The following ZCWPW2 variants were observed in gnomAD, a reference collection of about 807,000 sequenced individuals.
ZCWPW2 encodes the protein zinc finger CW-type PWWP domain protein 2.
ZCWPW2 carries 45 observed loss-of-function variants against 46.6 expected under a neutral mutation model. The ratio of observed to expected loss-of-function variants is 0.96; its 90% confidence interval spans 0.76 to 1.24. The LOEUF (loss-of-function observed/expected upper bound fraction) is 1.24, where lower values mean the gene tolerates loss of function less well. Ranked by LOEUF, ZCWPW2 falls within the 50% of genes most tolerant of loss-of-function variation. The pLI, the probability that ZCWPW2 is intolerant of heterozygous loss-of-function variation, is 0.00. For synonymous variants in ZCWPW2, 152 were observed against 137.1 expected (o/e 1.11, Z -0.76); for missense variants, 429 against 403.9 (o/e 1.06, Z -0.53).
At chr3:28,437,061 A>G (rs903627286) in intron 4 of ZCWPW2, among the ~76,000 whole-genome samples, 22 of 152,214 alleles carry the variant, frequency 1.4e-4, no homozygotes, top group Non-Finnish European at 2.2e-4. Flanking sequence ...ATACTGCACC[A>G]CATTGATCTA....
chr3:28,402,073 A>G (rs1275274913), intron 2 of ZCWPW2, among the ~76,000 whole-genome samples: 1 of 151,900 alleles, frequency 6.6e-6, no homozygotes, highest in Non-Finnish European at 1.5e-5. Context: ...CCAAGATCAG[A>G]GCAGAACTAA....
intron 3 of ZCWPW2, among the ~76,000 whole-genome samples, chr3:28,433,296 G>T (rs760347526): frequency 6.6e-6 from 1 of 152,034 alleles, no homozygotes; most frequent in Non-Finnish European, 1.5e-5. Flanking sequence ...TAGCCTCCCT[G>T]TGGTTTCCCT....
At chr3:28,359,465 G>A (rs934966294) in intron 1 of ZCWPW2, among the ~76,000 whole-genome samples, 2 of 152,086 alleles carry the variant, frequency 1.3e-5, no homozygotes, top group Middle Eastern at 3.4e-3. Context: ...AGGCATGAGA[G>A]TGTCTTTGAT....
chr3:28,511,936 TC>T (rs1297708581), intron 6 of ZCWPW2, among the ~76,000 whole-genome samples: 1 of 152,198 alleles, frequency 6.6e-6, no homozygotes, highest in Non-Finnish European at 1.5e-5. Context: ...GTAATTTTTT[TC>T]ATAATCATGG....
intron 3 of ZCWPW2, among the ~76,000 whole-genome samples, chr3:28,432,301 C>CTA (rs1282869024): frequency 1.3e-5 from 2 of 152,106 alleles, no homozygotes; most frequent in South Asian, 2.1e-4. Context: ...GATCACTGAA[C>CTA]TATAACATGT....
At chr3:28,373,527 G>T (rs1237207519) in intron 1 of ZCWPW2, among the ~76,000 whole-genome samples, 1 of 152,036 alleles carries the variant, frequency 6.6e-6, no homozygotes, top group Non-Finnish European at 1.5e-5. Context: ...AAGGGCAGTG[G>T]TGAGTGGTGC....
intron 3 of ZCWPW2, among the ~76,000 whole-genome samples, chr3:28,414,392 T>A (rs564286338): frequency 1.4e-4 from 22 of 152,014 alleles, no homozygotes; most frequent in Non-Finnish European, 2.1e-4. Context: ...GCAGGTTTGT[T>A]GTATAGGGAA....
chr3:28,438,773 G>A (rs949363598), intron 4 of ZCWPW2, among the ~76,000 whole-genome samples: 7 of 152,028 alleles, frequency 4.6e-5, no homozygotes, highest in Non-Finnish European at 7.4e-5. Context: ...AGAACTAAAG[G>A]AAGATATTGA....
At chr3:28,364,990 GGTT>G (rs1439611451) in intron 1 of ZCWPW2, among the ~76,000 whole-genome samples, 1 of 152,042 alleles carries the variant, frequency 6.6e-6, no homozygotes. Context: ...TTTTTGATGG[GGTT>G]GTTTGGTTTT....
At chr3:28,447,330 G>A (rs909318359) in intron 4 of ZCWPW2, among the ~76,000 whole-genome samples, 2 of 151,946 alleles carry the variant, frequency 1.3e-5, no homozygotes, top group Non-Finnish European at 2.9e-5. Flanking sequence ...ATTTATCTTG[G>A]AATGTAAGAA....
intron 1 of ZCWPW2, chr3:28,351,498 TAAG>T (rs1417206634): frequency 6.6e-6 from 1 of 151,612 alleles, no homozygotes; most frequent in African/African-American, 2.4e-5. Context: ...TTTTAGGTAA[TAAG>T]GTGCATTTTT....
intron 1 of ZCWPW2, among the ~76,000 whole-genome samples, chr3:28,374,357 G>C (rs11921943): frequency 6.6e-6 from 1 of 151,862 alleles, no homozygotes; most frequent in Non-Finnish European, 1.5e-5. Flanking sequence ...TATGGGTCTA[G>C]TTTTATGTGG....
intron 3 of ZCWPW2, among the ~76,000 whole-genome samples, chr3:28,430,621 C>T (rs1178348622): frequency 6.6e-6 from 1 of 152,152 alleles, no homozygotes; most frequent in East Asian, 1.9e-4. Context: ...TATGGTTTGG[C>T]TCTGTGTCCC....
intron 4 of ZCWPW2, among the ~76,000 whole-genome samples, chr3:28,458,281 T>C (rs1279023971): frequency 6.6e-6 from 1 of 152,234 alleles, no homozygotes; most frequent in Non-Finnish European, 1.5e-5. Flanking sequence ...GCCTACTTTA[T>C]AAGCTTGTTA....
chr3:28,475,211 C>T (rs548271605), intron 4 of ZCWPW2, among the ~76,000 whole-genome samples: 13 of 152,060 alleles, frequency 8.5e-5, no homozygotes, highest in Non-Finnish European at 1.6e-4. Context: ...AGAGCAAATT[C>T]CATCCTTTTG....
chr3:28,370,984 A>T (rs1441417011), intron 1 of ZCWPW2, among the ~76,000 whole-genome samples: 4 of 152,088 alleles, frequency 2.6e-5, no homozygotes, highest in African/African-American at 9.7e-5. Context: ...CGCCTGCCTC[A>T]GCTTCCCAAA....
intron 3 of ZCWPW2, among the ~76,000 whole-genome samples, chr3:28,422,835 G>A (rs548098925): frequency 5.9e-5 from 9 of 151,938 alleles, no homozygotes; most frequent in African/African-American, 2.2e-4. Context: ...GTATTATTTT[G>A]CATTCCCAAC....
Position 28,525,795 on chromosome 3 carries a change from T to G in ZCWPW2, c.*1107T>G, listed in dbSNP as rs1700832832. ...GATAGACTCACAACGGTGAAATATC[T>G]TATTTGTCAAAGTAAAGTATGTATG... On this transcript the variant is annotated 3_prime_UTR_variant, in exon 10 of 10. Coordinates refer to ENST00000383768, the MANE Select transcript of ZCWPW2 (RefSeq NM_001040432.4). Among the ~76,000 whole-genome samples the G allele has an allele frequency of 6.6e-6, 1 of 152,206 alleles. No homozygotes were observed. Among genetic ancestry groups the G allele is most frequent in the Non-Finnish European group, 1.5e-5 (1 of 68,020 alleles).
chr3:28,522,519 T>G (rs1700750288), intron 9 of ZCWPW2, among the ~76,000 whole-genome samples: 1 of 152,184 alleles, frequency 6.6e-6, no homozygotes, highest in Non-Finnish European at 1.5e-5. Flanking sequence ...GACTGCCCAG[T>G]TGTATGATTT....
Sources: allele counts gnomAD v4.1 joint callset (sites outside exome capture counted in the v4.1 genomes callset), GRCh38; gene constraint gnomAD v4.1.1; transcripts MANE v1.5; gene names NCBI Gene and HGNC (gene_info 2026-07-23, HGNC 2026-07-21).